Variants in ARSH observed in about 807,000 individuals in gnomAD.
ARSH encodes the protein arylsulfatase family member H, also known as arylsulfatase H.
In ARSH, 32 loss-of-function variants were observed where a neutral mutation model predicts 28.7. That is an observed-to-expected ratio of 1.11 (90% CI 0.84 to 1.50). The LOEUF (loss-of-function observed/expected upper bound fraction) is 1.50. Ranked by LOEUF, ARSH falls within the 40% of genes most tolerant of loss-of-function variation. The probability of loss-of-function intolerance (pLI) is 0.00; values close to 1 mark genes in which losing one functional copy is unlikely to be tolerated. For missense variants in ARSH, 440 were observed against 452.4 expected (o/e 0.97, Z 0.25); for synonymous variants, 176 against 177.3 (o/e 0.99, Z 0.06).
chrX:3,018,709 C>T (rs144599224), intron 5 of ARSH, 39 bp downstream of exon 5: 26,378 of 1,190,701 alleles, frequency 0.022, 250 homozygotes, highest in Non-Finnish European at 0.025. Flanking sequence ...ATCTGAAGTA[C>T]GGGCTACAGA....
Position 3,006,577 on chromosome X carries a change from C to G in ARSH, c.-36C>G. On this transcript the variant is annotated 5_prime_UTR_variant, in exon 1 of 9. Transcript: ENST00000381130. ...CAGGAGCTGCTGGCTGTCAGTGTCC[C>G]TGTGCTGTTTGTTTTGCGGTGTTGA... The G allele has an allele frequency of 8.8e-7, 1 of 1,135,793 alleles. No individual in the cohort carries two copies. The highest frequency in any genetic ancestry group is 1.2e-6 in the Non-Finnish European group (1 of 827,821). The allele number at this position is 1,135,793 out of a possible 1,213,427, so 93.6% of individuals were successfully genotyped here.
intron 5 of ARSH, among the ~76,000 whole-genome samples, chrX:3,020,317 C>T (rs1311839779): frequency 2.2e-5 from 2 of 89,656 alleles, no homozygotes; most frequent in Non-Finnish European, 4.2e-5. Flanking sequence ...AGGCCGAGTG[C>T]GGTGGCTCAC....
chrX:3,033,313 G>T lies in ARSH; in HGVS notation c.1617G>T (p.Leu539=). The part of the protein sequence containing the change: ...SVFNTIWKPW[L]QPCCGTFPFC... ...TCAACACAATTTGGAAACCATGGCTGCAGCCTTGCTGTGGGACCTTCCCCT... is the reference window on the plus strand; with the variant it reads ...TCAACACAATTTGGAAACCATGGCTTCAGCCTTGCTGTGGGACCTTCCCCT... Residue 539 remains leucine, a synonymous_variant, in exon 9 of 9, where the codon CTG becomes CTT. Transcript: ENST00000381130. 1 of 1,210,311 alleles carries T rather than the reference G, an allele frequency of 8.3e-7. No individual in the cohort carries two copies. Among genetic ancestry groups the T allele is most frequent in the Non-Finnish European group, 1.1e-6 (1 of 894,724 alleles).
rs2089921170 is a variant in ARSH at position 3,033,592 on chromosome X, T to C, written c.*207T>C. The stretch of plus-strand genomic sequence containing the variant: ...AACCTGGAGGGGAGCATTTGTTGTA[T>C]AATTTTTTTCTAGTATATAATTGTG... On this transcript the variant is annotated 3_prime_UTR_variant, in exon 9 of 9. Transcript: ENST00000381130. 2.8e-6 allele frequency: 1 copy of C among 351,482 alleles called. No homozygotes were observed. The highest frequency in any genetic ancestry group is 2.6e-5 in the African/African-American group (1 of 39,011). 29.0% of individuals were successfully genotyped at this position (351,482 alleles called of 1,213,427 possible).
At position 3,010,142 on chromosome X, in the gene ARSH, A is replaced by G. The variant is rs146851620; in HGVS notation, c.205A>G (p.Ile69Val). ...RAAFLTGRYP[I>V]RSGMVSAYNL... ...TGCCTTCCTGACCGGCCGGTACCCCATCAGATCAGGTGAGGCAATAAAAAG... is the reference window on the plus strand; with the variant it reads ...TGCCTTCCTGACCGGCCGGTACCCCGTCAGATCAGGTGAGGCAATAAAAAG... The change falls in exon 2 of 9, where the codon ATC (isoleucine) becomes GTC (valine). Residue 69 changes from isoleucine to valine, a missense_variant. Transcript: ENST00000381130. 2.7e-5 allele frequency: 33 copies of G among 1,209,234 alleles called. No homozygotes were observed. The African/African-American group carries it at 5.2e-4, about 19-fold the overall frequency.
At chrX:3,023,414 A>G (rs775599882) in intron 5 of ARSH, among the ~76,000 whole-genome samples, 1 of 105,803 alleles carries the variant, frequency 9.5e-6, no homozygotes, top group Admixed American at 1.1e-4. Flanking sequence ...ATTTTTACAT[A>G]TTGCATTGAT....
chrX:3,007,827 T>G (rs1256208455), intron 1 of ARSH, among the ~76,000 whole-genome samples: 2 of 110,914 alleles, frequency 1.8e-5, no homozygotes, highest in Non-Finnish European at 3.8e-5. Flanking sequence ...TCCTGAGGCC[T>G]CTCTCCTGGG....
chrX:3,006,632 C>G lies in ARSH; in HGVS notation c.20C>G (p.Pro7Arg), dbSNP rs1405716093. The change falls in exon 1 of 9, where the codon CCC (proline) becomes CGC (arginine). Residue 7 changes from proline to arginine, a missense_variant. Coordinates refer to ENST00000381130, the MANE Select transcript of ARSH (RefSeq NM_001011719.2). Reference protein sequence around the residue: MTRNARPNIVLLMADDL... With the variant: MTRNARRNIVLLMADDL... ...ACATTTATGACAAGAAACGCCAGAC[C>G]CAACATTGTCCTGCTGATGGCAGAT... The G allele has an allele frequency of 1.7e-6, 2 of 1,208,789 alleles. No individual in the cohort carries two copies. Among genetic ancestry groups the G allele is most frequent in the African/African-American group, 1.8e-5 (1 of 56,931 alleles).
In ARSH at chrX:3,033,356, G is replaced by A. The variant is rs1210423256; in HGVS notation, c.1660G>A (p.Glu554Lys). 12 of 1,205,826 alleles carry A rather than the reference G, an allele frequency of 1.0e-5. No homozygotes were observed. The highest frequency in any genetic ancestry group is 5.2e-4 in the Middle Eastern group (2 of 3,822). Residue 554 changes from glutamate (E) to lysine (K), a missense_variant, in exon 9 of 9, where the codon GAA becomes AAA. Glu to Lys is a moderately conservative substitution (Grantham distance 56, BLOSUM62 1). Transcript: ENST00000381130. The stretch of plus-strand genomic sequence containing the variant: ...CTTCCCCTTCTGTGGGTGTGACAAG[G>A]AAGATGACATCCTTCCCATGGCTCC... The part of the protein sequence containing the change: ...GTFPFCGCDK[E>K]DDILPMAP
rs765040515 is a variant in ARSH, at chrX:3,029,133, C to G, written c.1200-114C>G. On this transcript the variant is annotated intron_variant, in intron 7 of 8. Coordinates refer to ENST00000381130, the MANE Select transcript of ARSH (RefSeq NM_001011719.2). ...TCCTCTTTATCTTTCGCCTCCTTCTCTTCCTCCCCTTCCTTTTCCTCCTCC... is the reference window on the plus strand; with the variant it reads ...TCCTCTTTATCTTTCGCCTCCTTCTGTTCCTCCCCTTCCTTTTCCTCCTCC... 52 of 753,669 alleles carry G rather than the reference C, an allele frequency of 6.9e-5. No homozygotes were observed. The East Asian group carries it at 9.1e-4, about 13-fold the overall frequency. 62.1% of individuals were successfully genotyped at this position (753,669 alleles called of 1,213,427 possible). A position where few individuals can be genotyped will look rare whatever the true frequency, so the allele number is the denominator to read the frequency against.
At chrX:3,009,386 C>G (rs113334591) in intron 1 of ARSH, among the ~76,000 whole-genome samples, 1,913 of 111,048 alleles carry the variant, frequency 0.017, 38 homozygotes, top group African/African-American at 0.058. Flanking sequence ...GCAGGAGGAT[C>G]ACTTGAATTG....
At chrX:3,017,094 G>A (rs1238128492) in intron 4 of ARSH, among the ~76,000 whole-genome samples, 1 of 110,986 alleles carries the variant, frequency 9.0e-6, no homozygotes, top group Non-Finnish European at 1.9e-5. Flanking sequence ...CATGAGAACA[G>A]TGATCAGCCA....
At chrX:3,021,225 G>A (rs904496809) in intron 5 of ARSH, among the ~76,000 whole-genome samples, 2 of 110,018 alleles carry the variant, frequency 1.8e-5, no homozygotes, top group Non-Finnish European at 3.8e-5. Context: ...ACAGTTTCCC[G>A]TAAAGGGATT....
Position 3,029,325 on chromosome X carries a change from C to T in ARSH, c.1278C>T (p.Tyr426=). The T allele has an allele frequency of 8.3e-7, 1 of 1,210,756 alleles. No homozygotes were observed. Among genetic ancestry groups the T allele is most frequent in the Non-Finnish European group, 1.1e-6 (1 of 895,019 alleles). ...SHSDHEFLFH[Y]CGVYLHTVRW... is the part of the protein sequence containing the mutation. Reference sequence around the variant, plus strand: ...CCGACCACGAGTTCCTCTTCCACTACTGTGGGGTCTATCTGCACACGGTCA... The same window carrying T: ...CCGACCACGAGTTCCTCTTCCACTATTGTGGGGTCTATCTGCACACGGTCA... The change falls in exon 8 of 9, where the codon TAC becomes TAT. Residue 426 remains tyrosine, a synonymous_variant. Coordinates refer to ENST00000381130, the MANE Select transcript of ARSH (RefSeq NM_001011719.2).
At chrX:3,022,400 A>T (rs186830496) in intron 5 of ARSH, among the ~76,000 whole-genome samples, 1 of 112,105 alleles carries the variant, frequency 8.9e-6, no homozygotes, top group Non-Finnish European at 1.9e-5. Flanking sequence ...ATTTCTAAAA[A>T]ATAGTATATG....
chrX:3,025,473 G>T (rs1214370325), intron 6 of ARSH, among the ~76,000 whole-genome samples: 3 of 105,204 alleles, frequency 2.9e-5, no homozygotes, highest in Non-Finnish European at 5.8e-5. Context: ...TATATTCACT[G>T]TATAGAGTAT....
In ARSH at chrX:3,027,412, C is replaced by T; in HGVS notation, c.1136C>T (p.Thr379Ile). The part of the protein sequence containing the change: ...LEAGRVINEP[T>I]SLMDIYPTLS... ...GCTGGGAGAGTGATCAATGAGCCCA[C>T]CAGCTTAATGGACATCTATCCGACG... Residue 379 changes from threonine (T) to isoleucine (I), a missense_variant, in exon 7 of 9, where the codon ACC (threonine) becomes ATC (isoleucine). Transcript: ENST00000381130. The T allele has an allele frequency of 8.3e-7, 1 of 1,211,313 alleles. No individual in the cohort carries two copies. Among genetic ancestry groups the T allele is most frequent in the Non-Finnish European group, 1.1e-6 (1 of 895,231 alleles).
Position 3,007,247 on chromosome X carries a change from T to TA in ARSH, c.92+560dup, listed in dbSNP as rs60947162. Reference sequence around the variant, plus strand: ...CTGGGTGACAGAGGGAGACTCTGTTTAAAAAAAAAAAAAAAAATCACCTTT... The same window carrying TA: ...CTGGGTGACAGAGGGAGACTCTGTTTAAAAAAAAAAAAAAAAAATCACCTTT... On this transcript the variant is annotated intron_variant, in intron 1 of 8. Transcript: ENST00000381130. Among the ~76,000 whole-genome samples, 528 of 92,281 alleles carry TA rather than the reference T, an allele frequency of 5.7e-3. 5 individuals carry two copies. Among genetic ancestry groups the TA allele is most frequent in the African/African-American group, 0.02 (491 of 24,994 alleles). 80.1% of individuals were successfully genotyped at this position (92,281 alleles called of 115,157 possible).
intron 8 of ARSH, among the ~76,000 whole-genome samples, chrX:3,030,611 G>A (rs1157714206): frequency 9.0e-6 from 1 of 111,557 alleles, no homozygotes; most frequent in Admixed American, 9.6e-5. Context: ...AGAGCCAAGC[G>A]AAAAGGGAAA....
Sources: gnomAD v4.1 joint callset for allele counts (sites outside exome capture counted in the v4.1 genomes callset) on GRCh38, gnomAD v4.1.1 for gene constraint, MANE v1.5 for transcripts, NCBI Gene and HGNC (gene_info 2026-07-23, HGNC 2026-07-21) for gene names.